AFG2A: variants seen among roughly 807,000 people sequenced by gnomAD.
AFG2A encodes the protein AAA ATPase AFG2A, also known as ATPase family gene 2 protein homolog A.
At chr4:123,145,996 G>A in the AFG2A span, among the ~76,000 whole-genome samples, 1 of 151,994 alleles carries the variant, frequency 6.6e-6, no homozygotes. Context: ...CAAATTTAAT[G>A]TCTAGAATCC....
At chr4:123,078,190 C>T in the AFG2A span, among the ~76,000 whole-genome samples, 1 of 151,978 alleles carries the variant, frequency 6.6e-6, no homozygotes, top group African/African-American at 2.4e-5. Flanking sequence ...TTTTTTTCAT[C>T]TAGCACATTA....
chr4:123,128,024 C>G, the AFG2A span, among the ~76,000 whole-genome samples: 3 of 152,150 alleles, frequency 2.0e-5, no homozygotes, highest in Non-Finnish European at 4.4e-5. Context: ...TTTGTGTTCA[C>G]AATGAGAAGA....
chr4:123,116,737 T>G, the AFG2A span, among the ~76,000 whole-genome samples: 2 of 152,214 alleles, frequency 1.3e-5, no homozygotes, highest in South Asian at 4.1e-4. Context: ...TTGGGATTTA[T>G]AGATGCAATA....
the AFG2A span, among the ~76,000 whole-genome samples, chr4:123,215,060 A>G: frequency 2.0e-5 from 3 of 152,036 alleles, no homozygotes; most frequent in East Asian, 3.8e-4. Context: ...ATAACTGCTT[A>G]TTTTTTAAGA....
chr4:122,961,302 G>A, the AFG2A span, among the ~76,000 whole-genome samples: 2 of 152,212 alleles, frequency 1.3e-5, no homozygotes, highest in South Asian at 4.1e-4. Flanking sequence ...GCATTTCTCT[G>A]GTAGAAGCTT....
the AFG2A span, among the ~76,000 whole-genome samples, chr4:123,006,938 C>CTTT: frequency 6.8e-6 from 1 of 146,700 alleles, no homozygotes. Context: ...CTTTTACTCT[C>CTTT]TTTTTTTTTC....
chr4:123,316,734 T>G, the AFG2A span: 1 of 152,054 alleles, frequency 6.6e-6, no homozygotes, highest in African/African-American at 2.4e-5. Context: ...GTTTAGATAT[T>G]AATAGCCACT....
chr4:123,227,072 T>G, the AFG2A span, among the ~76,000 whole-genome samples: 1 of 152,356 alleles, frequency 6.6e-6, no homozygotes, highest in Non-Finnish European at 1.5e-5. Context: ...TTTATCATTT[T>G]TTATTGCATC....
At chr4:123,106,880 A>G in the AFG2A span, among the ~76,000 whole-genome samples, 3 of 152,204 alleles carry the variant, frequency 2.0e-5, no homozygotes, top group African/African-American at 7.2e-5. Context: ...TGGAGCGGTG[A>G]GGGTTGTGTG....
chr4:123,277,468 T>C, the AFG2A span, among the ~76,000 whole-genome samples: 208 of 152,314 alleles, frequency 1.4e-3, no homozygotes, highest in African/African-American at 4.8e-3. Flanking sequence ...ATATCTTATT[T>C]CTTCCTCCTG....
the AFG2A span, among the ~76,000 whole-genome samples, chr4:122,927,383 A>C: frequency 6.6e-6 from 1 of 152,218 alleles, no homozygotes; most frequent in Non-Finnish European, 1.5e-5. Context: ...CTCAGAAAAA[A>C]AGAAACCAAT....
At chr4:122,947,611 T>C in the AFG2A span, 3 of 1,245,622 alleles carry the variant, frequency 2.4e-6, no homozygotes, top group South Asian at 2.3e-5. Flanking sequence ...TTATAAAATG[T>C]GTAATTTTTA....
chr4:123,201,576 CT>C, the AFG2A span, among the ~76,000 whole-genome samples: 1 of 152,114 alleles, frequency 6.6e-6, no homozygotes, highest in South Asian at 2.1e-4. Flanking sequence ...TTCTTTTAAC[CT>C]TCAAAAATAG....
At chr4:123,139,810 G>A in the AFG2A span, among the ~76,000 whole-genome samples, 1 of 151,958 alleles carries the variant, frequency 6.6e-6, no homozygotes, top group Non-Finnish European at 1.5e-5. Flanking sequence ...TTTGTGAATG[G>A]TTACTGATTT....
At chr4:122,962,007 G>A in the AFG2A span, among the ~76,000 whole-genome samples, 1 of 152,214 alleles carries the variant, frequency 6.6e-6, no homozygotes, top group Non-Finnish European at 1.5e-5. Context: ...GAGAGGGTGG[G>A]GATGATATCC....
chr4:122,957,373 CAG>C, the AFG2A span, among the ~76,000 whole-genome samples: 2 of 152,156 alleles, frequency 1.3e-5, no homozygotes, highest in Non-Finnish European at 2.9e-5. Flanking sequence ...TGACTAAAGA[CAG>C]AGTAAATTAC....
the AFG2A span, among the ~76,000 whole-genome samples, chr4:123,040,660 T>A: frequency 2.0e-5 from 3 of 152,248 alleles, no homozygotes; most frequent in East Asian, 3.8e-4. Flanking sequence ...AAAATTGATT[T>A]GGTATTGTTT....
the AFG2A span, among the ~76,000 whole-genome samples, chr4:122,960,739 T>C: frequency 1.3e-5 from 2 of 152,190 alleles, no homozygotes; most frequent in Non-Finnish European, 2.9e-5. Flanking sequence ...TTTTCTGAGA[T>C]GGAAAATTTT....
At chr4:122,941,324 A>G in the AFG2A span, among the ~76,000 whole-genome samples, 14 of 151,070 alleles carry the variant, frequency 9.3e-5, no homozygotes, top group East Asian at 2.7e-3. Context: ...AGTAGTTTGT[A>G]GTTCTCCTTG....
Sources: allele counts gnomAD v4.1 joint callset (sites outside exome capture counted in the v4.1 genomes callset), GRCh38; gene constraint gnomAD v4.1.1; transcripts MANE v1.5; gene names NCBI Gene and HGNC (gene_info 2026-07-23, HGNC 2026-07-21).